AGBL1: variants seen among roughly 807,000 people sequenced by gnomAD.
AGBL1 encodes the protein AGBL carboxypeptidase 1.
AGBL1 carries 130 observed loss-of-function variants against 118.9 expected under a neutral mutation model. The ratio of observed to expected loss-of-function variants is 1.09; its 90% CI spans 0.95 to 1.26. The LOEUF is 1.26. Ranked by LOEUF, AGBL1 falls within the 50% of genes most tolerant of loss-of-function variation. The pLI is 0.00. For synonymous variants in AGBL1, 555 were observed against 478.9 expected, an observed-to-expected ratio of 1.16 and a Z score of -2.08; for missense variants, 1,584 against 1,298.1, an observed-to-expected ratio of 1.22 and a Z score of -3.38.
At chr15:86,505,644 CTA>C (rs1160613230) in intron 18 of AGBL1, among the ~76,000 whole-genome samples, 1 of 151,898 alleles carries the variant, frequency 6.6e-6, no homozygotes, top group Non-Finnish European at 1.5e-5. Context: ...ATGATAGTTT[CTA>C]TTTGCTGAGA....
At position 86,528,468 on chromosome 15, in the gene AGBL1, A is replaced by G. The variant is rs372597774; in HGVS notation, c.2685+5529A>G. The stretch of plus-strand genomic sequence containing the variant: ...GCTCGGAGGGTCCTACACCCACGGA[A>G]TCTCGCTGATTGCTAGCACAGCAGT... On this transcript the variant is annotated intron_variant, in intron 19 of 22. Transcript: ENST00000614907. 3.8e-4 allele frequency among the ~76,000 whole-genome samples: 58 copies of G among 151,960 alleles called. No individual in the cohort carries two copies. In the Middle Eastern group the frequency reaches 0.017, roughly 45 times the overall value.
intron 1 of AGBL1, among the ~76,000 whole-genome samples, chr15:86,127,529 C>T (rs1597430216): frequency 6.6e-6 from 1 of 152,178 alleles, no homozygotes; most frequent in Non-Finnish European, 1.5e-5. Flanking sequence ...AAGATGGCAT[C>T]CACCAAAAGC....
At position 86,673,027 on chromosome 15, in the gene AGBL1, A is replaced by G. The variant is rs551322575; in HGVS notation, c.2995-1246A>G. The stretch of plus-strand genomic sequence containing the variant: ...AATCCTTCTGCATTCTTATTGTCCC[A>G]TTCCTGTCCTCCATAATAAATCATT... On this transcript the variant is annotated intron_variant, in intron 21 of 22. Transcript: ENST00000614907. Among the ~76,000 whole-genome samples, 4 of 152,276 alleles carry G rather than the reference A, an allele frequency of 2.6e-5. No homozygotes were observed. The East Asian group carries it at 7.7e-4, about 29-fold the overall frequency.
At chr15:86,187,577 A>G (rs1296721621) in intron 5 of AGBL1, among the ~76,000 whole-genome samples, 2 of 152,212 alleles carry the variant, frequency 1.3e-5, no homozygotes, top group African/African-American at 4.8e-5. Flanking sequence ...CAGGTATAAT[A>G]GTGCTTGTCC....
intron 22 of AGBL1, among the ~76,000 whole-genome samples, chr15:86,752,212 T>C (rs938011834): frequency 1.3e-5 from 2 of 152,094 alleles, no homozygotes; most frequent in African/African-American, 4.8e-5. Flanking sequence ...GCCCTCACAC[T>C]GTGCAGCAGT....
At chr15:86,835,943 C>T (rs1596534985) in intron 22 of AGBL1, among the ~76,000 whole-genome samples, 1 of 152,158 alleles carries the variant, frequency 6.6e-6, no homozygotes, top group South Asian at 2.1e-4. Context: ...GGCCAGATCA[C>T]ACACACAAAG....
intron 24 of AGBL1, among the ~76,000 whole-genome samples, chr15:87,002,437 C>T (rs2081449995): frequency 6.6e-6 from 1 of 151,756 alleles, no homozygotes; most frequent in African/African-American, 2.4e-5. Flanking sequence ...GTTCTTTGGG[C>T]TTAGGATTGA....
At chr15:86,721,703 A>C (rs906106919) in intron 22 of AGBL1, among the ~76,000 whole-genome samples, 3 of 152,236 alleles carry the variant, frequency 2.0e-5, no homozygotes, top group Non-Finnish European at 4.4e-5. Context: ...TTAGGAAAAG[A>C]GGAAGTCAAA....
chr15:86,656,828 T>G (rs1303388026), intron 21 of AGBL1, among the ~76,000 whole-genome samples: 1 of 152,050 alleles, frequency 6.6e-6, no homozygotes, highest in African/African-American at 2.4e-5. Flanking sequence ...ATGAGAAGGG[T>G]CTGTTCTTTT....
At chr15:86,408,853 G>A (rs186530837) in intron 18 of AGBL1, among the ~76,000 whole-genome samples, 26 of 152,166 alleles carry the variant, frequency 1.7e-4, no homozygotes, top group African/African-American at 5.5e-4. Flanking sequence ...GGGGTCTGAG[G>A]AACTACAATT....
At chr15:86,700,722 C>T (rs945373261) in intron 22 of AGBL1, among the ~76,000 whole-genome samples, 1 of 152,042 alleles carries the variant, frequency 6.6e-6, no homozygotes, top group African/African-American at 2.4e-5. Context: ...TATTCTGTGC[C>T]TCAAGTAATC....
downstream of AGBL1, among the ~76,000 whole-genome samples, chr15:86,918,003 T>G (rs11634981): frequency 6.6e-6 from 1 of 151,998 alleles, no homozygotes; most frequent in Non-Finnish European, 1.5e-5. Context: ...ATATTTTGCA[T>G]AGATGAAAGG....
chr15:86,374,829 T>C (rs1354060539), intron 17 of AGBL1, among the ~76,000 whole-genome samples: 2 of 152,208 alleles, frequency 1.3e-5, no homozygotes, highest in Middle Eastern at 3.2e-3. Context: ...TTTTCCATAT[T>C]ATCTTGAGCC....
At chr15:86,495,693 T>C (rs2082843112) in intron 18 of AGBL1, among the ~76,000 whole-genome samples, 1 of 152,028 alleles carries the variant, frequency 6.6e-6, no homozygotes, top group African/African-American at 2.4e-5. Context: ...TTTTGAAATG[T>C]AGTGAGTCTT....
chr15:86,737,922 C>G (rs1466433848), intron 22 of AGBL1, among the ~76,000 whole-genome samples: 2 of 152,024 alleles, frequency 1.3e-5, no homozygotes, highest in Admixed American at 1.3e-4. Context: ...AATCAAATAA[C>G]ATATCAAAAA....
At position 86,830,221 on chromosome 15, in the gene AGBL1, A is replaced by G. The variant is rs1227182401; in HGVS notation, c.3159-76866A>G. Among the ~76,000 whole-genome samples, 6 of 152,296 alleles carry G rather than the reference A, an allele frequency of 3.9e-5. No individual in the cohort carries two copies. The East Asian group carries it at 9.6e-4, about 24-fold the overall frequency. On this transcript the variant is annotated intron_variant, in intron 22 of 22. Coordinates refer to ENST00000614907, the MANE Select transcript of AGBL1 (RefSeq NM_001386094.1). ...TTTTTTTTACCTACACATTATACCCATGCAATCACCATCCAGGTTAAGATG... is the reference window on the plus strand; with the variant it reads ...TTTTTTTTACCTACACATTATACCCGTGCAATCACCATCCAGGTTAAGATG...
rs755664722 is a variant in AGBL1, at chr15:86,546,016, C to T, written c.2700C>T (p.Phe900=). 6.2e-7 allele frequency: 1 copy of T among 1,613,008 alleles called. No individual in the cohort carries two copies. Among genetic ancestry groups the T allele is most frequent in the African/African-American group, 1.3e-5 (1 of 75,006 alleles). ...IGRSPVVFCD[F]HGHSQKKNVF... Reference sequence around the variant, plus strand: ...GGCTATTGTAGGTTTTCTGTGACTTCCATGGCCACTCCCAAAAGAAGAATG... The same window carrying T: ...GGCTATTGTAGGTTTTCTGTGACTTTCATGGCCACTCCCAAAAGAAGAATG... The change falls in exon 20 of 23, where the codon TTC becomes TTT. Residue 900 remains phenylalanine, a synonymous_variant. Transcript: ENST00000614907.
At chr15:86,883,813 A>G (rs1435617072) in intron 22 of AGBL1, among the ~76,000 whole-genome samples, 1 of 152,182 alleles carries the variant, frequency 6.6e-6, no homozygotes, top group East Asian at 1.9e-4. Context: ...GATAAATTAA[A>G]TGAATTAGTG....
intron 24 of AGBL1, chr15:87,028,675 A>C: frequency 1.5e-6 from 1 of 666,746 alleles, no homozygotes; most frequent in Non-Finnish European, 2.5e-6. Flanking sequence ...TTACATCTCT[A>C]ATCTAAATGT....
Sources: gnomAD v4.1 joint callset for allele counts (sites outside exome capture counted in the v4.1 genomes callset) on GRCh38, gnomAD v4.1.1 for gene constraint, MANE v1.5 for transcripts, NCBI Gene and HGNC (gene_info 2026-07-23, HGNC 2026-07-21) for gene names.